SLCO2A1: variants seen among roughly 807,000 people sequenced by gnomAD.
The protein encoded by SLCO2A1 is matrin F/G 1.
Under a neutral mutation model 71.7 loss-of-function variants are expected in SLCO2A1, and 60 were observed. That is an observed-to-expected ratio of 0.84 (90% CI 0.68 to 1.04). The LOEUF (loss-of-function observed/expected upper bound fraction) is 1.04, where lower values mean the gene tolerates loss of function less well. Ranked by LOEUF, SLCO2A1 falls within the 50% of genes least tolerant of loss-of-function variation. SLCO2A1 has a pLI of 0.00. For synonymous variants in SLCO2A1, 308 were observed against 326.7 expected (o/e 0.94, Z 0.62); for missense variants, 745 against 813.4 (o/e 0.92, Z 1.02).
At chr3:133,969,837 G>A (rs1435760293) in intron 3 of SLCO2A1, among the ~76,000 whole-genome samples, 2 of 152,174 alleles carry the variant, frequency 1.3e-5, no homozygotes, top group Non-Finnish European at 1.5e-5. Flanking sequence ...AGTCCATATG[G>A]AGTGGGGTGG....
At chr3:133,957,593 T>C (rs1933927822) in intron 3 of SLCO2A1, among the ~76,000 whole-genome samples, 1 of 152,070 alleles carries the variant, frequency 6.6e-6, no homozygotes. Context: ...CATGGGAAGA[T>C]TTCCTCCATC....
At chr3:134,019,735 T>C (rs1315654342) in intron 1 of SLCO2A1, among the ~76,000 whole-genome samples, 1 of 152,142 alleles carries the variant, frequency 6.6e-6, no homozygotes, top group Non-Finnish European at 1.5e-5. Flanking sequence ...ATCTGAGTCT[T>C]CTGGCTTTAT....
At position 133,945,248 on chromosome 3, in the gene SLCO2A1, A is replaced by G. The variant is rs1933541307; in HGVS notation, c.1308T>C (p.Ser436=). Residue 436 remains serine (S), a synonymous_variant, in exon 10 of 14, where the codon TCT becomes TCC. Transcript: ENST00000310926. The part of the protein sequence containing the change: ...AEVYPPSTSS[S]IHPQSPACRR... The stretch of plus-strand genomic sequence containing the variant: ...GGCAGGCAGGAGACTGCGGATGTAT[A>G]GAACTTGATGTGCTGCCAGCAAAAG... The G allele has an allele frequency of 6.2e-7, 1 of 1,606,362 alleles. No homozygotes were observed. Among genetic ancestry groups the G allele is most frequent in the Admixed American group, 1.7e-5 (1 of 57,838 alleles).
intron 1 of SLCO2A1, among the ~76,000 whole-genome samples, chr3:134,005,770 C>T (rs781549495): frequency 2.6e-5 from 4 of 152,088 alleles, no homozygotes; most frequent in East Asian, 1.9e-4. Flanking sequence ...CGTGAGCTAC[C>T]GTGCCCGGCC....
At chr3:133,992,878 C>A (rs556607446) in intron 1 of SLCO2A1, among the ~76,000 whole-genome samples, 12 of 152,264 alleles carry the variant, frequency 7.9e-5, no homozygotes, top group Middle Eastern at 6.8e-3. Flanking sequence ...GTTCGTGCAA[C>A]CTTATTACTC....
intron 1 of SLCO2A1, among the ~76,000 whole-genome samples, chr3:134,014,853 G>A (rs910450923): frequency 4.6e-5 from 7 of 152,140 alleles, no homozygotes; most frequent in African/African-American, 7.2e-5. Flanking sequence ...ACATGGAGAC[G>A]TTGATACCTC....
chr3:133,935,147 A>T (rs1384473900), intron 13 of SLCO2A1, among the ~76,000 whole-genome samples: 1 of 152,104 alleles, frequency 6.6e-6, no homozygotes, highest in Non-Finnish European at 1.5e-5. Context: ...AGCCAGAAGG[A>T]GAGAGGCATC....
chr3:133,957,292 T>C (rs907525467), intron 3 of SLCO2A1, among the ~76,000 whole-genome samples: 1 of 152,196 alleles, frequency 6.6e-6, no homozygotes, highest in Non-Finnish European at 1.5e-5. Context: ...GTTGGGCCTC[T>C]CTCTGATTTA....
At chr3:133,992,858 T>A (rs1576450568) in intron 1 of SLCO2A1, among the ~76,000 whole-genome samples, 1 of 152,204 alleles carries the variant, frequency 6.6e-6, no homozygotes. Context: ...GCATTTGCCA[T>A]CTTCAATCCG....
chr3:133,986,374 G>C (rs181749964), intron 1 of SLCO2A1, among the ~76,000 whole-genome samples: 51 of 152,332 alleles, frequency 3.3e-4, no homozygotes, highest in African/African-American at 1.1e-3. Context: ...CTAGGTTTGT[G>C]TGTGTGTGCT....
chr3:133,988,461 A>G (rs1405727800), intron 1 of SLCO2A1, among the ~76,000 whole-genome samples: 1 of 152,162 alleles, frequency 6.6e-6, no homozygotes, highest in Non-Finnish European at 1.5e-5. Context: ...GTATTTCTTG[A>G]ATGTATTTGA....
intron 1 of SLCO2A1, among the ~76,000 whole-genome samples, chr3:134,020,832 T>C (rs146259729): frequency 1.7e-3 from 255 of 152,118 alleles, no homozygotes; most frequent in African/African-American, 5.7e-3. Context: ...TTTGAATTGC[T>C]TGACAGGACT....
At chr3:133,972,704 G>C (rs1934353508) in intron 3 of SLCO2A1, among the ~76,000 whole-genome samples, 1 of 152,184 alleles carries the variant, frequency 6.6e-6, no homozygotes, top group Non-Finnish European at 1.5e-5. Flanking sequence ...CCAGAAGACA[G>C]AGGCATGGTA....
intron 3 of SLCO2A1, among the ~76,000 whole-genome samples, chr3:133,964,995 G>A (rs1934130551): frequency 6.6e-6 from 1 of 152,206 alleles, no homozygotes; most frequent in African/African-American, 2.4e-5. Context: ...GCAGGATGCA[G>A]CTCAGAGCCA....
chr3:133,999,995 AAAAAC>A (rs1395393884), intron 1 of SLCO2A1, among the ~76,000 whole-genome samples: 3 of 152,344 alleles, frequency 2.0e-5, no homozygotes, highest in Non-Finnish European at 2.9e-5. Context: ...GGGACAAGGC[AAAAAC>A]AAAACAAAAC....
At chr3:134,012,143 C>T (rs140663506) in intron 1 of SLCO2A1, among the ~76,000 whole-genome samples, 149 of 152,282 alleles carry the variant, frequency 9.8e-4, no homozygotes, top group Non-Finnish European at 1.5e-3. Flanking sequence ...GTCCCAGCAA[C>T]GCCCACCTTC....
intron 3 of SLCO2A1, among the ~76,000 whole-genome samples, chr3:133,959,328 C>T (rs1326793622): frequency 6.6e-6 from 1 of 150,592 alleles, no homozygotes; most frequent in Non-Finnish European, 1.5e-5. Flanking sequence ...AAAAAGCAAC[C>T]GTAATATTGC....
chr3:133,956,896 G>A (rs553761455), intron 3 of SLCO2A1, among the ~76,000 whole-genome samples: 2 of 152,270 alleles, frequency 1.3e-5, no homozygotes, highest in East Asian at 3.9e-4. Flanking sequence ...ATGAGATTGT[G>A]CTGATCTTTT....
At chr3:134,001,023 A>C (rs1287063054) in intron 1 of SLCO2A1, among the ~76,000 whole-genome samples, 1 of 152,154 alleles carries the variant, frequency 6.6e-6, no homozygotes, top group Admixed American at 6.5e-5. Context: ...ATCACTTGGC[A>C]TATGTTCTAA....
Sources: allele counts gnomAD v4.1 joint callset (sites outside exome capture counted in the v4.1 genomes callset), GRCh38; gene constraint gnomAD v4.1.1; transcripts MANE v1.5; gene names NCBI Gene and HGNC (gene_info 2026-07-23, HGNC 2026-07-21).